BCAS1: variants seen among roughly 807,000 people sequenced by gnomAD.
The protein encoded by BCAS1 is brain enriched myelin associated protein 1, also known as breast carcinoma-amplified sequence 1.
A neutral mutation model predicts 65.4 loss-of-function variants in BCAS1; 46 were observed. The ratio of observed to expected loss-of-function variants is 0.70; its 90% CI spans 0.55 to 0.90. The LOEUF (loss-of-function observed/expected upper bound fraction) is 0.90, where lower values mean the gene tolerates loss of function less well. Among genes scored for constraint, BCAS1 ranks in the 40% least tolerant of loss-of-function variants. BCAS1 has a pLI of 0.00. For synonymous variants in BCAS1, 298 were observed against 293.5 expected (o/e 1.02, Z -0.16); for missense variants, 793 against 771.2 (o/e 1.03, Z -0.33).
intron 4 of BCAS1, among the ~76,000 whole-genome samples, chr20:54,020,271 C>A (rs919292259): frequency 1.3e-5 from 2 of 151,910 alleles, no homozygotes; most frequent in Admixed American, 1.3e-4. Flanking sequence ...TCTGAGGGGG[C>A]GAGTCAGATG....
chr20:53,992,555 C>T lies in BCAS1; in HGVS notation c.1019G>A (p.Ser340Asn), dbSNP rs775559061. 5.1e-6 allele frequency: 7 copies of T among 1,364,982 alleles called. 1 individual carries two copies. In the South Asian group the frequency reaches 8.0e-5, roughly 16 times the overall value. 84.6% of individuals were successfully genotyped at this position (1,364,982 alleles called of 1,614,324 possible). ...TCTAAAGGCGAGTCCTAGCCTGGGG[C>T]TATCCAGGTGCTTTTTCTTGGTGCC... is the stretch of plus-strand genomic sequence containing the variant. ...ARGTKKKHLD[S>N]PRLGLAFRKF... The change falls in exon 7 of 13, where the codon AGC (serine) becomes AAC (asparagine). Residue 340 changes from serine (S) to asparagine (N), a missense_variant. Ser to Asn is a conservative substitution (Grantham distance 46, BLOSUM62 1). Coordinates refer to ENST00000688948, the MANE Select transcript of BCAS1 (RefSeq NM_001366298.2).
rs1312567197 is a variant in BCAS1 at position 54,058,126 on chromosome 20, G to A, written c.101C>T (p.Pro34Leu). ...AACTGTGTGGGTCGACACCACCACT[G>A]GAACCCCGTTCAGAGCAGACGCGTT... ...QDNASALNGV[P>L]VVVSTHTVQH... The change falls in exon 3 of 13, where the codon CCA (proline) becomes CTA (leucine). Residue 34 changes from proline (P) to leucine (L), a missense_variant. Coordinates refer to ENST00000688948, the MANE Select transcript of BCAS1 (RefSeq NM_001366298.2). 1 of 1,613,818 alleles carries A rather than the reference G, an allele frequency of 6.2e-7. No individual in the cohort carries two copies. The highest frequency in any genetic ancestry group is 2.2e-5 in the East Asian group (1 of 44,882).
intron 10 of BCAS1, 102 bp downstream of exon 10, chr20:53,966,804 C>T (rs552131154): frequency 1.8e-6 from 2 of 1,138,976 alleles, no homozygotes; most frequent in East Asian, 2.4e-5. Flanking sequence ...TCCATACACA[C>T]CAGCTACAAT....
chr20:53,996,991 T>A (rs1568858780), intron 4 of BCAS1, among the ~76,000 whole-genome samples: 1 of 152,240 alleles, frequency 6.6e-6, no homozygotes. Flanking sequence ...AACATTCTGC[T>A]CCTCTGTCTG....
rs543707701 is a variant in BCAS1, at chr20:53,943,747, G to A, written c.*1175C>T. 99 of 152,198 alleles carry A rather than the reference G, an allele frequency of 6.5e-4. No homozygotes were observed. The highest frequency in any genetic ancestry group is 2.4e-3 in the African/African-American group (98 of 41,530). 9.4% of individuals were successfully genotyped at this position (152,198 alleles called of 1,614,324 possible). A position where few individuals can be genotyped will look rare whatever the true frequency, so the allele number is the denominator to read the frequency against. ...TGAGGTTATGGGGAGGGTTTTATCAGAGCACATCCTGAGAACATTAGGAAT... is the reference window on the plus strand; with the variant it reads ...TGAGGTTATGGGGAGGGTTTTATCAAAGCACATCCTGAGAACATTAGGAAT... On this transcript the variant is annotated 3_prime_UTR_variant, in exon 13 of 13. Transcript: ENST00000688948.
chr20:53,976,483 T>C (rs991580364), intron 8 of BCAS1, among the ~76,000 whole-genome samples: 5 of 152,096 alleles, frequency 3.3e-5, no homozygotes, highest in Non-Finnish European at 5.9e-5. Flanking sequence ...TATTTACAAA[T>C]GTATCTTCTG....
chr20:54,016,698 T>G (rs2091445421), intron 4 of BCAS1, among the ~76,000 whole-genome samples: 2 of 152,210 alleles, frequency 1.3e-5, no homozygotes, highest in South Asian at 4.1e-4. Flanking sequence ...TAAAATAACA[T>G]GAAAATATAA....
intron 12 of BCAS1, among the ~76,000 whole-genome samples, chr20:53,953,104 T>C (rs1056898239): frequency 1.3e-5 from 2 of 152,246 alleles, no homozygotes; most frequent in Non-Finnish European, 2.9e-5. Flanking sequence ...TACTTCTACA[T>C]GCTGATTGCT....
At chr20:54,014,912 T>G (rs1014867163) in intron 4 of BCAS1, among the ~76,000 whole-genome samples, 1 of 152,204 alleles carries the variant, frequency 6.6e-6, no homozygotes. Flanking sequence ...AAATAGGGTT[T>G]GGTTAATTTT....
intron 3 of BCAS1, among the ~76,000 whole-genome samples, chr20:54,044,517 A>T (rs1282707376): frequency 2.0e-5 from 3 of 152,230 alleles, no homozygotes; most frequent in Non-Finnish European, 4.4e-5. Flanking sequence ...CAGAAATGCC[A>T]ATGTTTTATT....
At chr20:53,979,190 G>T (rs2090414245) in intron 8 of BCAS1, among the ~76,000 whole-genome samples, 1 of 152,128 alleles carries the variant, frequency 6.6e-6, no homozygotes. Context: ...TGGTCTATAG[G>T]CTTTTCTACA....
Position 54,019,916 on chromosome 20 carries a change from CT to C in BCAS1, c.723+8475del, listed in dbSNP as rs145109152. 2.9e-3 allele frequency among the ~76,000 whole-genome samples: 447 copies of C among 152,318 alleles called. 2 individuals are homozygous for C. The highest frequency in any genetic ancestry group is 0.01 in the African/African-American group (429 of 41,572). On this transcript the variant is annotated intron_variant, in intron 4 of 12. Coordinates refer to ENST00000688948, the MANE Select transcript of BCAS1 (RefSeq NM_001366298.2). ...GCTTTTGAACTTCTGCCACTACTGG[CT>C]TCCTACCTCCTCAGCTTGCAGACGG...
chr20:53,953,615 G>A lies in BCAS1; in HGVS notation c.1632C>T (p.Ser544=). 1 of 1,613,844 alleles carries A rather than the reference G, an allele frequency of 6.2e-7. No homozygotes were observed. The highest frequency in any genetic ancestry group is 1.7e-5 in the Admixed American group (1 of 59,992). The change falls in exon 12 of 13, where the codon TCC becomes TCT. Residue 544 remains serine, a synonymous_variant. Coordinates refer to ENST00000688948, the MANE Select transcript of BCAS1 (RefSeq NM_001366298.2). The part of the protein sequence containing the change: ...TGAPQKGKEG[S]SKDKKSAAEM... ...CGGCTGCTGACTTCTTGTCCTTCGA[G>A]GAGCCCTCTTTACCCTTCTGTGGTG...
intron 4 of BCAS1, among the ~76,000 whole-genome samples, chr20:54,019,178 C>T (rs536877829): frequency 1.3e-5 from 2 of 152,322 alleles, no homozygotes; most frequent in East Asian, 1.9e-4. Context: ...CAGCCAACAT[C>T]ATACAACTTC....
At chr20:54,026,494 T>C (rs1442636608) in intron 4 of BCAS1, among the ~76,000 whole-genome samples, 1 of 152,226 alleles carries the variant, frequency 6.6e-6, no homozygotes. Context: ...GATGGGGATT[T>C]GGATGAGTCA....
intron 3 of BCAS1, among the ~76,000 whole-genome samples, chr20:54,030,330 A>G (rs1028745717): frequency 4.6e-5 from 7 of 152,252 alleles, no homozygotes; most frequent in African/African-American, 1.2e-4. Context: ...TGGTAGTCCT[A>G]CTGCAGGGTT....
chr20:54,036,367 G>A (rs954646513), intron 3 of BCAS1, among the ~76,000 whole-genome samples: 5 of 151,398 alleles, frequency 3.3e-5, no homozygotes, highest in Non-Finnish European at 7.4e-5. Flanking sequence ...TTAGAAGGTA[G>A]AGTTGAAAAT....
chr20:54,047,954 G>A (rs1425138152), intron 3 of BCAS1, among the ~76,000 whole-genome samples: 2 of 152,206 alleles, frequency 1.3e-5, no homozygotes, highest in South Asian at 2.1e-4. Flanking sequence ...CTATGCAAAT[G>A]AAGAGGATAT....
intron 11 of BCAS1, 118 bp downstream of exon 11, chr20:53,957,314 T>C (rs1282225237): frequency 1.1e-6 from 1 of 919,722 alleles, no homozygotes; most frequent in Non-Finnish European, 1.8e-6. Flanking sequence ...TAGTAGGTGC[T>C]TAATCCTGAG....
Sources: gnomAD v4.1 joint callset for allele counts (sites outside exome capture counted in the v4.1 genomes callset) on GRCh38, gnomAD v4.1.1 for gene constraint, MANE v1.5 for transcripts, NCBI Gene and HGNC (gene_info 2026-07-23, HGNC 2026-07-21) for gene names.